The following DSCAML1 variants were observed in gnomAD, a reference collection of about 807,000 sequenced individuals.
DSCAML1 encodes DS cell adhesion molecule like 1.
A neutral mutation model predicts 200.5 loss-of-function variants in DSCAML1; 38 were observed. The ratio of observed to expected loss-of-function variants is 0.19; its 90% CI spans 0.15 to 0.25. The LOEUF (loss-of-function observed/expected upper bound fraction) is 0.25. Ranked by LOEUF, DSCAML1 falls within the 10% of genes least tolerant of loss-of-function variation. The probability of loss-of-function intolerance (pLI) is 1.00; values close to 1 mark genes in which losing one functional copy is unlikely to be tolerated. For synonymous variants in DSCAML1, 1,215 were observed against 1,165.0 expected (o/e 1.04, Z -0.87); for missense variants, 2,223 against 2,858.8 (o/e 0.78, Z 5.07).
At chr11:117,615,867 A>G (rs1423146501) in intron 3 of DSCAML1, among the ~76,000 whole-genome samples, 1 of 152,122 alleles carries the variant, frequency 6.6e-6, no homozygotes, top group Non-Finnish European at 1.5e-5. Flanking sequence ...TGTCACTTCT[A>G]TGACTAGGGA....
At chr11:117,464,244 C>T (rs535454157) in intron 17 of DSCAML1, among the ~76,000 whole-genome samples, 54 of 152,240 alleles carry the variant, frequency 3.5e-4, no homozygotes, top group Middle Eastern at 6.8e-3. Context: ...TTATTCTGCT[C>T]TTTAGGGGAC....
intron 3 of DSCAML1, among the ~76,000 whole-genome samples, chr11:117,718,329 C>A (rs375792335): frequency 6.6e-6 from 1 of 152,220 alleles, no homozygotes; most frequent in Non-Finnish European, 1.5e-5. Context: ...TGACTCCAGG[C>A]AGCTCCCAGG....
intron 3 of DSCAML1, among the ~76,000 whole-genome samples, chr11:117,572,943 C>G (rs2050871239): frequency 6.6e-6 from 1 of 152,192 alleles, no homozygotes; most frequent in Non-Finnish European, 1.5e-5. Flanking sequence ...GTAGATTGAG[C>G]CCCATCAACC....
rs761834258 is a variant in DSCAML1, at chr11:117,516,758, AGAGGAG to A, written c.1511-25_1511-20del. On this transcript the variant is annotated intron_variant, in intron 7 of 32. Transcript: ENST00000651296. This position sits in a 1 kb window ranked among gnomAD's most constrained non-coding sequence, Gnocchi z 5.7. ...GGTGGGCCTGGGCAGGAGTCAGAAG[AGAGGAG>A]GAGGAGGAGAAGGGCATGTGCTGCT... 6.2e-7 allele frequency: 1 copy of A among 1,602,390 alleles called. No individual in the cohort carries two copies.
At chr11:117,789,152 A>G (rs2055414394) in intron 1 of DSCAML1, among the ~76,000 whole-genome samples, 1 of 152,176 alleles carries the variant, frequency 6.6e-6, no homozygotes, top group African/African-American at 2.4e-5. Flanking sequence ...TCTTAGCACA[A>G]ACATGGTTTC....
In DSCAML1 at chr11:117,503,384, AGGCTGATCT is replaced by A. The variant is rs2049434510; in HGVS notation, c.2359+452_2359+460del. On this transcript the variant is annotated intron_variant, in intron 11 of 32. Transcript: ENST00000651296. This position sits in a 1 kb window ranked among gnomAD's most constrained non-coding sequence, Gnocchi z 5.2. ...CTCGCCCAAGGTCACTCAGCTCATCAGGCTGATCTGGAATTGGAACCCAGGTTTTCTGAC... is the reference window on the plus strand; with the variant it reads ...CTCGCCCAAGGTCACTCAGCTCATCAGGAATTGGAACCCAGGTTTTCTGAC... 6.6e-6 allele frequency among the ~76,000 whole-genome samples: 1 copy of A among 152,220 alleles called. No homozygotes were observed. The highest frequency in any genetic ancestry group is 1.5e-5 in the Non-Finnish European group (1 of 68,032).
chr11:117,703,110 G>A (rs1015147089), intron 3 of DSCAML1, among the ~76,000 whole-genome samples: 2 of 152,178 alleles, frequency 1.3e-5, no homozygotes, highest in Non-Finnish European at 1.5e-5. Flanking sequence ...AGTGGTGAAC[G>A]TGTGAGCAGT....
At chr11:117,451,747 G>A (rs34787491) in intron 19 of DSCAML1, among the ~76,000 whole-genome samples, 3,534 of 151,934 alleles carry the variant, frequency 0.023, 82 homozygotes, top group Non-Finnish European at 0.032. Flanking sequence ...CACAGGAGGC[G>A]GAGGTTGCAG....
chr11:117,774,457 A>G (rs1194714508), intron 3 of DSCAML1, among the ~76,000 whole-genome samples: 1 of 152,146 alleles, frequency 6.6e-6, no homozygotes, highest in Non-Finnish European at 1.5e-5. Context: ...ATATTGATTC[A>G]TTTCATTCTT....
chr11:117,617,435 G>A (rs977800117), intron 3 of DSCAML1, among the ~76,000 whole-genome samples: 1 of 152,114 alleles, frequency 6.6e-6, no homozygotes, highest in Non-Finnish European at 1.5e-5. Flanking sequence ...GATATTTCAC[G>A]CTGACTCGGT....
At chr11:117,784,275 T>A (rs1392043741) in intron 1 of DSCAML1, among the ~76,000 whole-genome samples, 1 of 152,102 alleles carries the variant, frequency 6.6e-6, no homozygotes, top group Non-Finnish European at 1.5e-5. Flanking sequence ...ACAATAGCAT[T>A]TTGCACTTAC....
intron 1 of DSCAML1, among the ~76,000 whole-genome samples, chr11:117,803,832 G>A (rs1475393570): frequency 4.6e-5 from 7 of 152,230 alleles, no homozygotes; most frequent in Non-Finnish European, 8.8e-5. Flanking sequence ...CCAGGCCCAT[G>A]GTGGTGACCT....
At chr11:117,674,776 T>TACA (rs2053176966) in intron 3 of DSCAML1, among the ~76,000 whole-genome samples, 1 of 152,072 alleles carries the variant, frequency 6.6e-6, no homozygotes, top group African/African-American at 2.4e-5. Flanking sequence ...TCTCTGCTTG[T>TACA]GTGTTCAGAG....
At chr11:117,566,025 A>G (rs2137426001) in intron 3 of DSCAML1, among the ~76,000 whole-genome samples, 1 of 152,354 alleles carries the variant, frequency 6.6e-6, no homozygotes, top group Non-Finnish European at 1.5e-5. Flanking sequence ...CTCAGAGCTC[A>G]TGCTGATCTT....
chr11:117,616,285 G>C (rs1385541277), intron 3 of DSCAML1, among the ~76,000 whole-genome samples: 1 of 152,202 alleles, frequency 6.6e-6, no homozygotes, highest in African/African-American at 2.4e-5. Context: ...CAGAGCTGGA[G>C]AAAATGATCC....
chr11:117,450,917 G>T (rs888660427), intron 19 of DSCAML1, among the ~76,000 whole-genome samples: 1 of 152,180 alleles, frequency 6.6e-6, no homozygotes, highest in South Asian at 2.1e-4. Context: ...GGCCCTTGGA[G>T]TGCCAGCTTC....
At chr11:117,707,794 A>G (rs1303633575) in intron 3 of DSCAML1, among the ~76,000 whole-genome samples, 1 of 152,076 alleles carries the variant, frequency 6.6e-6, no homozygotes, top group African/African-American at 2.4e-5. Flanking sequence ...CAGCCTCCCA[A>G]AGTGCTGGGA....
intron 3 of DSCAML1, among the ~76,000 whole-genome samples, chr11:117,552,093 C>T (rs1047681165): frequency 2.0e-5 from 3 of 151,798 alleles, no homozygotes; most frequent in Non-Finnish European, 2.9e-5. Flanking sequence ...CGAGGAGCTG[C>T]GGTAACAGAG....
At chr11:117,533,887 A>C (rs570599305) in intron 3 of DSCAML1, among the ~76,000 whole-genome samples, 13 of 152,340 alleles carry the variant, frequency 8.5e-5, no homozygotes, top group Non-Finnish European at 1.2e-4. Context: ...GGAGAGGAGA[A>C]CACTGGGGTC....
Sources: gnomAD v4.1 joint callset for allele counts (sites outside exome capture counted in the v4.1 genomes callset) on GRCh38, gnomAD v4.1.1 for gene constraint, Gnocchi (gnomAD v3.1) non-coding constraint, MANE v1.5 for transcripts, NCBI Gene and HGNC (gene_info 2026-07-23, HGNC 2026-07-21) for gene names.